The following SMYD3 variants were observed in gnomAD, a reference collection of about 807,000 sequenced individuals.
SMYD3 encodes SET and MYND domain containing 3, also known as histone-lysine N-methyltransferase SMYD3.
Under a neutral mutation model 57.7 loss-of-function variants are expected in SMYD3, and 36 were observed. The ratio of observed to expected loss-of-function variants is 0.62; its 90% CI spans 0.48 to 0.82. The LOEUF (loss-of-function observed/expected upper bound fraction) is 0.82. SMYD3 is among the 40% of genes least tolerant of loss of function. The probability of loss-of-function intolerance (pLI) is 0.00; values close to 1 mark genes in which losing one functional copy is unlikely to be tolerated. For missense variants in SMYD3, 515 were observed against 538.8 expected, an observed-to-expected ratio of 0.96 and a Z score of 0.44; for synonymous variants, 211 against 195.0, an observed-to-expected ratio of 1.08 and a Z score of -0.68.
intron 8 of SMYD3, among the ~76,000 whole-genome samples, chr1:245,887,159 AC>A (rs1226190209): frequency 6.6e-6 from 1 of 152,086 alleles, no homozygotes; most frequent in Non-Finnish European, 1.5e-5. Context: ...GGTCATAAAG[AC>A]CTTGCTGATA....
chr1:245,865,097 A>C (rs2148497341), intron 8 of SMYD3, among the ~76,000 whole-genome samples: 1 of 152,326 alleles, frequency 6.6e-6, no homozygotes, highest in Non-Finnish European at 1.5e-5. Context: ...GAATGACTGA[A>C]AACCACATGT....
At chr1:245,976,569 G>A (rs796949771) in intron 5 of SMYD3, among the ~76,000 whole-genome samples, 377 of 4,240 alleles carry the variant, frequency 0.089, 8 homozygotes, top group Non-Finnish European at 0.15. Context: ...CATCGTCTCC[G>A]GCCCAGGGAA....
At chr1:246,072,038 TCCGCTGTGC>T in intron 5 of SMYD3, among the ~76,000 whole-genome samples, 1 of 42,678 alleles carries the variant, frequency 2.3e-5, no homozygotes, top group Non-Finnish European at 4.2e-5. Context: ...TCGTGTGCTT[TCCGCTGTGC>T]TCACTGTGGA....
chr1:246,386,703 T>C (rs2066487412), intron 1 of SMYD3, among the ~76,000 whole-genome samples: 1 of 152,020 alleles, frequency 6.6e-6, no homozygotes. Flanking sequence ...GAACTGAGAC[T>C]GACCCAAGAA....
chr1:245,818,137 C>G (rs1407532209), intron 10 of SMYD3, among the ~76,000 whole-genome samples: 2 of 152,130 alleles, frequency 1.3e-5, no homozygotes, highest in Non-Finnish European at 1.5e-5. Flanking sequence ...ATGTTAAGGG[C>G]AGCCAGAGAG....
At chr1:246,441,437 A>C (rs1414492927) in intron 1 of SMYD3, among the ~76,000 whole-genome samples, 1 of 152,124 alleles carries the variant, frequency 6.6e-6, no homozygotes, top group Admixed American at 6.5e-5. Context: ...CAAATTTAAA[A>C]CCAGGAAGCT....
intron 9 of SMYD3, among the ~76,000 whole-genome samples, chr1:245,863,376 T>G (rs780589383): frequency 3.3e-5 from 5 of 152,180 alleles, no homozygotes; most frequent in Non-Finnish European, 5.9e-5. Flanking sequence ...CCACTGCCAT[T>G]GTAGTCGTGG....
chr1:246,182,681 A>C (rs1435984406), intron 5 of SMYD3, among the ~76,000 whole-genome samples: 1 of 152,214 alleles, frequency 6.6e-6, no homozygotes, highest in Non-Finnish European at 1.5e-5. Flanking sequence ...AGTCACAATT[A>C]GAAAAATAAA....
intron 5 of SMYD3, among the ~76,000 whole-genome samples, chr1:246,073,813 T>C (rs1024622289): frequency 1.3e-5 from 2 of 152,092 alleles, no homozygotes; most frequent in Admixed American, 6.6e-5. Flanking sequence ...TCTCTCAAGA[T>C]TATGGTCCAA....
At chr1:246,124,434 T>C (rs1324637252) in intron 5 of SMYD3, among the ~76,000 whole-genome samples, 1 of 152,130 alleles carries the variant, frequency 6.6e-6, no homozygotes, top group Non-Finnish European at 1.5e-5. Flanking sequence ...ATCAACCAAA[T>C]CACTAAGTCT....
chr1:246,386,906 C>A (rs1390380075), intron 1 of SMYD3, among the ~76,000 whole-genome samples: 1 of 151,260 alleles, frequency 6.6e-6, no homozygotes, highest in Non-Finnish European at 1.5e-5. Flanking sequence ...AAAAAAAAAC[C>A]TTTTTGTGCA....
chr1:245,782,480 C>G (rs74156632), intron 10 of SMYD3, among the ~76,000 whole-genome samples: 13,907 of 152,256 alleles, frequency 0.091, 2,164 homozygotes, highest in African/African-American at 0.32. Context: ...ATTCAAACAC[C>G]TGACGGCATG....
Position 246,214,628 on chromosome 1 carries a change from A to G in SMYD3, c.531+112573T>C, listed in dbSNP as rs2063136980. Among the ~76,000 whole-genome samples the G allele has an allele frequency of 2.0e-5, 3 of 152,318 alleles. No homozygotes were observed. In the South Asian group the frequency reaches 6.2e-4, roughly 32 times the overall value. ...AGAAGTAAGGCTAAGAGAGAAACCA[A>G]TTTAGATCAGTGGCCTCTTTCAGGA... On this transcript the variant is annotated intron_variant, in intron 5 of 11. Transcript: ENST00000490107.
intron 1 of SMYD3, among the ~76,000 whole-genome samples, chr1:246,391,409 AGAGAGAGAAAAAGAGAG>A (rs1558440332): frequency 1.1e-4 from 9 of 81,360 alleles, no homozygotes; most frequent in African/African-American, 4.4e-4. Context: ...AGAGAGAGAA[AGAGAGAGAAAAAGAGAG>A]AGAGAGAGAG....
intron 11 of SMYD3, among the ~76,000 whole-genome samples, chr1:245,761,577 C>T (rs2045844796): frequency 6.6e-6 from 1 of 152,142 alleles, no homozygotes; most frequent in African/African-American, 2.4e-5. Flanking sequence ...TCTAAATCTT[C>T]TCTGATTTCT....
chr1:246,439,136 ATTT>A (rs985959297), intron 1 of SMYD3, among the ~76,000 whole-genome samples: 53 of 127,114 alleles, frequency 4.2e-4, no homozygotes, highest in African/African-American at 1.4e-3. Context: ...TTTTATTTTT[ATTT>A]TTTTAAGAGA....
intron 5 of SMYD3, among the ~76,000 whole-genome samples, chr1:246,289,921 C>T (rs1049053253): frequency 2.0e-5 from 3 of 152,132 alleles, no homozygotes; most frequent in Non-Finnish European, 4.4e-5. Context: ...ACAGACAGTA[C>T]GACTCACTTG....
At chr1:246,113,246 G>C (rs968350233) in intron 5 of SMYD3, among the ~76,000 whole-genome samples, 1 of 151,142 alleles carries the variant, frequency 6.6e-6, no homozygotes, top group African/African-American at 2.4e-5. Context: ...AATAAAAAGA[G>C]ACTACCCATT....
At chr1:246,441,039 A>C (rs1363359271) in intron 1 of SMYD3, among the ~76,000 whole-genome samples, 1 of 152,174 alleles carries the variant, frequency 6.6e-6, no homozygotes, top group African/African-American at 2.4e-5. Context: ...ATTACGTAGA[A>C]GTAAATTATA....
Sources: allele counts gnomAD v4.1 joint callset (sites outside exome capture counted in the v4.1 genomes callset), GRCh38; gene constraint gnomAD v4.1.1; transcripts MANE v1.5; gene names NCBI Gene and HGNC (gene_info 2026-07-23, HGNC 2026-07-21).